The following HP1BP3 variants were observed in gnomAD, a reference collection of about 807,000 sequenced individuals.
The protein encoded by HP1BP3 is heterochromatin protein 1 binding protein 3.
In HP1BP3, 12 loss-of-function variants were observed where a neutral mutation model predicts 62.5. The ratio of observed to expected loss-of-function variants is 0.19; its 90% CI spans 0.12 to 0.31. HP1BP3 has a LOEUF of 0.31. Ranked by LOEUF, HP1BP3 falls within the 10% of genes least tolerant of loss-of-function variation. The probability of loss-of-function intolerance (pLI) is 1.00; values close to 1 mark genes in which losing one functional copy is unlikely to be tolerated. For synonymous variants in HP1BP3, 260 were observed against 237.8 expected (o/e 1.09, Z -0.86); for missense variants, 502 against 651.8 (o/e 0.77, Z 2.50).
At chr1:20,786,543 C>T (rs1308172220) in intron 1 of HP1BP3, 4 of 152,202 alleles carry the variant, frequency 2.6e-5, no homozygotes, top group African/African-American at 7.2e-5. Context: ...GGCTGGGGCT[C>T]GGCGCGGTGA....
At chr1:20,778,956 A>C (rs183761317) in intron 3 of HP1BP3, among the ~76,000 whole-genome samples, 2 of 151,918 alleles carry the variant, frequency 1.3e-5, no homozygotes, top group African/African-American at 4.8e-5. Flanking sequence ...TGCCCAGATA[A>C]TGTTTATAAT....
chr1:20,756,597 G>T (rs1438706675), intron 9 of HP1BP3, among the ~76,000 whole-genome samples: 7 of 152,116 alleles, frequency 4.6e-5, no homozygotes. Context: ...GTGGCAGGGG[G>T]AGGACAGCTA....
chr1:20,767,961 CT>C (rs1212090511), intron 6 of HP1BP3, among the ~76,000 whole-genome samples: 6 of 152,090 alleles, frequency 3.9e-5, no homozygotes. Flanking sequence ...TTATTAAAAA[CT>C]TTCAAAATGA....
chr1:20,756,117 G>T (rs1228655558), intron 9 of HP1BP3, among the ~76,000 whole-genome samples: 1 of 152,144 alleles, frequency 6.6e-6, no homozygotes, highest in Admixed American at 6.5e-5. Flanking sequence ...GTTATAAACT[G>T]TAATTATATA....
rs1405719014 is a variant in HP1BP3, at chr1:20,773,607, C to G, written c.354G>C (p.Glu118Asp). 1.3e-6 allele frequency: 2 copies of G among 1,587,398 alleles called. No individual in the cohort carries two copies. Among genetic ancestry groups the G allele is most frequent in the Non-Finnish European group, 1.7e-6 (2 of 1,164,436 alleles). Residue 118 changes from glutamate to aspartate, a missense_variant, in exon 5 of 13, where the codon GAG becomes GAC. Transcript: ENST00000438032. ...TCTCCTTTTCTTTAGACTGATCTTTCTCACTTTAAAACAAAGAATTGTTAT... is the reference window on the plus strand; with the variant it reads ...TCTCCTTTTCTTTAGACTGATCTTTGTCACTTTAAAACAAAGAATTGTTAT... ...NKSSEETKKD[E>D]KDQSKEKEKK... is the part of the protein sequence containing the mutation.
chr1:20,749,618 C>G lies in HP1BP3; in HGVS notation c.1141+105G>C, dbSNP rs186775002. 1.4e-4 allele frequency: 162 copies of G among 1,141,768 alleles called. 1 individual carries two copies. The African/African-American group carries it at 2.3e-3, about 16-fold the overall frequency. The allele number at this position is 1,141,768 out of a possible 1,614,324, so 70.7% of individuals were successfully genotyped here. On this transcript the variant is annotated intron_variant, in intron 10 of 12. Coordinates refer to ENST00000438032, the MANE Select transcript of HP1BP3 (RefSeq NM_001372052.1). ...TCGTGATCCACCCGCCTCAGCCTCC[C>G]AAAGTGCTGGGATTACAGGCGTGAG...
rs2056733524 is a variant in HP1BP3 at position 20,765,429 on chromosome 1, G to C, written c.838C>G (p.Leu280Val). The change falls in exon 8 of 13, where the codon CTC becomes GTC. Residue 280 changes from leucine (L) to valine (V), a missense_variant. By Grantham distance (32) the Leu-to-Val change is conservative. Coordinates refer to ENST00000438032, the MANE Select transcript of HP1BP3 (RefSeq NM_001372052.1). Reference protein sequence around the residue: ...LCEPKEASYSLIRKYVSQYYP... With the variant: ...LCEPKEASYSVIRKYVSQYYP... ...TACTGAGACACATATTTCCTGATGAGACTGTAGGAAGCTTCTTTAGGTTCA... is the reference window on the plus strand; with the variant it reads ...TACTGAGACACATATTTCCTGATGACACTGTAGGAAGCTTCTTTAGGTTCA... The C allele has an allele frequency of 6.2e-7, 1 of 1,613,168 alleles. No individual in the cohort carries two copies. The highest frequency in any genetic ancestry group is 1.1e-5 in the South Asian group (1 of 91,026).
intron 4 of HP1BP3, chr1:20,776,009 CAAAAAAA>C (rs67814500): frequency 7.9e-5 from 97 of 1,221,664 alleles, no homozygotes; most frequent in South Asian, 7.1e-4. Flanking sequence ...AGCTCTCCTG[CAAAAAAA>C]AAAAAAAAAA....
At chr1:20,764,307 T>C (rs2056647624) in intron 8 of HP1BP3, among the ~76,000 whole-genome samples, 1 of 151,968 alleles carries the variant, frequency 6.6e-6, no homozygotes, top group Non-Finnish European at 1.5e-5. Context: ...AGGCTAAGAA[T>C]AAATTAGGAC....
intron 4 of HP1BP3, chr1:20,774,865 T>A (rs1269794710): frequency 6.6e-6 from 1 of 152,294 alleles, no homozygotes; most frequent in Non-Finnish European, 1.5e-5. Context: ...ACGCCTGTAG[T>A]CCCAGCTACT....
chr1:20,776,005 C>T, intron 4 of HP1BP3: 1 of 1,441,824 alleles, frequency 6.9e-7, no homozygotes, highest in Admixed American at 2.7e-5. Context: ...TATCAGCTCT[C>T]CTGCAAAAAA....
At chr1:20,782,562 T>A (rs1278235607) in intron 1 of HP1BP3, among the ~76,000 whole-genome samples, 2 of 148,286 alleles carry the variant, frequency 1.3e-5, no homozygotes, top group African/African-American at 5.0e-5. Context: ...CCAGCCTAGG[T>A]GACAGAGCAG....
At chr1:20,761,107 T>G (rs1045062066) in intron 8 of HP1BP3, among the ~76,000 whole-genome samples, 1 of 152,096 alleles carries the variant, frequency 6.6e-6, no homozygotes, top group African/African-American at 2.4e-5. Flanking sequence ...TGCAGTGGTG[T>G]GATCTTGGCT....
At chr1:20,749,903 G>A in intron 9 of HP1BP3, 21 bp from the exon 10 acceptor site, 1 of 1,605,936 alleles carries the variant, frequency 6.2e-7, no homozygotes, top group South Asian at 1.1e-5. Context: ...AGGAGGAAGA[G>A]AAAAGCATCA....
chr1:20,771,619 A>C (rs1378837363), intron 5 of HP1BP3, among the ~76,000 whole-genome samples: 1 of 152,228 alleles, frequency 6.6e-6, no homozygotes, highest in African/African-American at 2.4e-5. Context: ...ATTTGAATTT[A>C]ATGTGCCCTC....
chr1:20,750,103 C>T (rs2055615395), intron 9 of HP1BP3: 4 of 794,406 alleles, frequency 5.0e-6, no homozygotes, highest in Non-Finnish European at 7.2e-6. Context: ...TCCATCTACC[C>T]TCCATCCACC....
chr1:20,761,208 C>T (rs1342737089), intron 8 of HP1BP3, among the ~76,000 whole-genome samples: 4 of 151,926 alleles, frequency 2.6e-5, no homozygotes, highest in Non-Finnish European at 4.4e-5. Flanking sequence ...CCATGCATGG[C>T]TAATTTTTTT....
intron 4 of HP1BP3, chr1:20,775,983 T>C (rs1268791866): frequency 4.7e-6 from 7 of 1,475,902 alleles, no homozygotes; most frequent in Non-Finnish European, 6.3e-6. Flanking sequence ...ATGAAAAGAG[T>C]GGAATGAATA....
At chr1:20,785,205 C>G (rs1459530362) in intron 1 of HP1BP3, among the ~76,000 whole-genome samples, 1 of 152,152 alleles carries the variant, frequency 6.6e-6, no homozygotes, top group East Asian at 1.9e-4. Context: ...AGCCACCATG[C>G]ACGGCTTTAA....
Sources: gnomAD v4.1 joint callset for allele counts (sites outside exome capture counted in the v4.1 genomes callset) on GRCh38, gnomAD v4.1.1 for gene constraint, MANE v1.5 for transcripts, NCBI Gene and HGNC (gene_info 2026-07-23, HGNC 2026-07-21) for gene names.